Variants in ACVR1B observed in about 807,000 individuals in gnomAD.
The protein encoded by ACVR1B is activin receptor type-1B.
ACVR1B carries 15 observed loss-of-function variants against 55.6 expected under a neutral mutation model. The observed-to-expected ratio is 0.27, with a 90% CI of 0.18 to 0.42. The LOEUF (loss-of-function observed/expected upper bound fraction) is 0.42. Ranked by LOEUF, ACVR1B falls within the 10% of genes least tolerant of loss-of-function variation. The pLI is 1.00. For synonymous variants in ACVR1B, 247 were observed against 254.6 expected (o/e 0.97, Z 0.28); for missense variants, 359 against 670.1 (o/e 0.54, Z 5.13).
chr12:51,962,736 G>A (rs1941559401), intron 1 of ACVR1B, among the ~76,000 whole-genome samples: 1 of 152,112 alleles, frequency 6.6e-6, no homozygotes, highest in African/African-American at 2.4e-5. Flanking sequence ...TAGATCAGTA[G>A]CTATTAACAA....
At chr12:51,964,573 G>A (rs971877935) in intron 1 of ACVR1B, among the ~76,000 whole-genome samples, 4 of 152,162 alleles carry the variant, frequency 2.6e-5, no homozygotes, top group Admixed American at 1.3e-4. Context: ...CCTCTTCTGA[G>A]AGTTTTAGAA....
chr12:51,972,197 A>G (rs1941757657), intron 1 of ACVR1B, among the ~76,000 whole-genome samples: 1 of 152,302 alleles, frequency 6.6e-6, no homozygotes, highest in Admixed American at 6.5e-5. Context: ...CCTTGAGCCC[A>G]GGAATTCGAG....
At chr12:51,990,146 T>G (rs944068187) in intron 7 of ACVR1B, among the ~76,000 whole-genome samples, 1 of 151,160 alleles carries the variant, frequency 6.6e-6, no homozygotes, top group Non-Finnish European at 1.5e-5. Context: ...ATACAAAAAT[T>G]AGCCGGGCAT....
chr12:51,990,171 G>A (rs1048557358), intron 7 of ACVR1B, among the ~76,000 whole-genome samples: 1 of 151,688 alleles, frequency 6.6e-6, no homozygotes, highest in African/African-American at 2.4e-5. Flanking sequence ...GCAGGCACCT[G>A]TAATCCCAGC....
intron 1 of ACVR1B, among the ~76,000 whole-genome samples, chr12:51,964,165 G>T (rs1448182943): frequency 1.3e-5 from 2 of 151,992 alleles, no homozygotes; most frequent in African/African-American, 2.4e-5. Context: ...TTTAGAGAAG[G>T]GTTCTTGCTC....
At chr12:51,959,094 C>G (rs181420562) in intron 1 of ACVR1B, among the ~76,000 whole-genome samples, 3 of 152,332 alleles carry the variant, frequency 2.0e-5, no homozygotes, top group Admixed American at 2.0e-4. Flanking sequence ...CTACAGTCCA[C>G]CTTCTGCTCC....
chr12:51,982,595 T>C, intron 4 of ACVR1B: 1 of 1,356,146 alleles, frequency 7.4e-7, no homozygotes, highest in Non-Finnish European at 9.6e-7. Flanking sequence ...AGTTGTGACA[T>C]GACTTGCTCC....
At chr12:51,977,552 A>G in intron 3 of ACVR1B, among the ~76,000 whole-genome samples, 1 of 151,852 alleles carries the variant, frequency 6.6e-6, no homozygotes, top group East Asian at 1.9e-4. Flanking sequence ...CTGCCTCGTA[A>G]AGAATTTTTT....
At chr12:51,957,685 C>T (rs1941441257) in intron 1 of ACVR1B, among the ~76,000 whole-genome samples, 1 of 152,058 alleles carries the variant, frequency 6.6e-6, no homozygotes, top group Non-Finnish European at 1.5e-5. Context: ...GATTACAGGC[C>T]TGAGCTACCA....
rs1486419907 is a variant in ACVR1B, at chr12:51,976,475, G to C, written c.480G>C (p.Gln160His). 9 of 1,614,002 alleles carry C rather than the reference G, an allele frequency of 5.6e-6. No homozygotes were observed. The highest frequency in any genetic ancestry group is 4.5e-5 in the East Asian group (2 of 44,892). Reference protein sequence around the residue: ...NYHQRVYHNRQRLDMEDPSCE... With the variant: ...NYHQRVYHNRHRLDMEDPSCE... Reference sequence around the variant, plus strand: ...ATCAGCGTGTCTATCACAACCGCCAGAGACTGGACATGGAAGATCCCTCAT... The same window carrying C: ...ATCAGCGTGTCTATCACAACCGCCACAGACTGGACATGGAAGATCCCTCAT... The change falls in exon 3 of 9, where the codon CAG (glutamine) becomes CAC (histidine). Residue 160 changes from glutamine (Q) to histidine (H), a missense_variant. Physicochemically the swap from Gln to His is conservative, Grantham distance 24 (BLOSUM62 0). Around this residue, in one of 5 missense-constraint regions of ACVR1B, gnomAD observed 133 missense variants for 188.2 expected, o/e 0.71. Coordinates refer to ENST00000257963, the MANE Select transcript of ACVR1B (RefSeq NM_004302.5).
chr12:51,970,198 T>C (rs187474553), intron 1 of ACVR1B, among the ~76,000 whole-genome samples: 281 of 152,264 alleles, frequency 1.8e-3, no homozygotes, highest in Non-Finnish European at 3.2e-3. Flanking sequence ...GTGTTCCTAG[T>C]GTGGCCGTGG....
chr12:51,956,693 G>A (rs1186547470), intron 1 of ACVR1B, among the ~76,000 whole-genome samples: 1 of 152,170 alleles, frequency 6.6e-6, no homozygotes, highest in East Asian at 1.9e-4. Flanking sequence ...GGAAATACAG[G>A]GCTAGGTTCC....
chr12:51,976,223 C>T (rs1397207861), intron 2 of ACVR1B, 104 bp from the exon 3 acceptor site: 1 of 1,375,508 alleles, frequency 7.3e-7, no homozygotes, highest in South Asian at 1.3e-5. Flanking sequence ...AACACATCGA[C>T]AGGGAAAGGG....
At chr12:51,972,163 T>A (rs1322034729) in intron 1 of ACVR1B, among the ~76,000 whole-genome samples, 1 of 152,220 alleles carries the variant, frequency 6.6e-6, no homozygotes. Flanking sequence ...TTCCAGCTAC[T>A]CAGGAAGCTG....
chr12:51,962,750 T>C (rs1941559763), intron 1 of ACVR1B, among the ~76,000 whole-genome samples: 1 of 152,244 alleles, frequency 6.6e-6, no homozygotes, highest in African/African-American at 2.4e-5. Flanking sequence ...TTAACAATTG[T>C]CTTTCTTTTT....
chr12:51,953,297 C>G (rs1941346513), intron 1 of ACVR1B: 2 of 978,122 alleles, frequency 2.0e-6, no homozygotes, highest in Middle Eastern at 5.3e-4. Flanking sequence ...ACTTTGGAAT[C>G]TCAAAAACAA....
At chr12:51,992,101 A>C (rs1033704510) in intron 8 of ACVR1B, 108 bp downstream of exon 8, 3 of 1,426,484 alleles carry the variant, frequency 2.1e-6, no homozygotes, top group Non-Finnish European at 2.9e-6. Flanking sequence ...TGAGAGTGTC[A>C]GTTATTATTT....
chr12:51,951,734 GGTGGT>G lies in ACVR1B; in HGVS notation c.-9_-5del. The G allele has an allele frequency of 8.1e-7, 1 of 1,239,900 alleles. No homozygotes were observed. The highest frequency in any genetic ancestry group is 1.0e-6 in the Non-Finnish European group (1 of 981,522). The allele number at this position is 1,239,900 out of a possible 1,614,324, so 76.8% of individuals were successfully genotyped here. Reference sequence around the variant, plus strand: ...GGGCTGCGGCGGCGGCGGCGGCGGCGGTGGTTACTATGGCGGAGTCGGCCGGAGCC... The same window carrying G: ...GGGCTGCGGCGGCGGCGGCGGCGGCGTACTATGGCGGAGTCGGCCGGAGCC... On this transcript the variant is annotated 5_prime_UTR_variant, in exon 1 of 9. Transcript: ENST00000257963.
At position 51,975,373 on chromosome 12, in the gene ACVR1B, G is replaced by T; in HGVS notation, c.200G>T (p.Arg67Leu). The T allele has an allele frequency of 6.2e-7, 1 of 1,614,164 alleles. No homozygotes were observed. The highest frequency in any genetic ancestry group is 8.5e-7 in the Non-Finnish European group (1 of 1,180,028). ...FNLDGMEHHV[R>L]TCIPKVELVP... ...CTGGATGGGATGGAGCACCATGTGCGCACCTGCATCCCCAAAGTGGAGCTG... is the reference window on the plus strand; with the variant it reads ...CTGGATGGGATGGAGCACCATGTGCTCACCTGCATCCCCAAAGTGGAGCTG... Residue 67 changes from arginine to leucine, a missense_variant, in exon 2 of 9, where the codon CGC (arginine) becomes CTC (leucine). Physicochemically the swap from Arg to Leu is moderately radical, Grantham distance 102. Coordinates refer to ENST00000257963, the MANE Select transcript of ACVR1B (RefSeq NM_004302.5).
Sources: gnomAD v4.1 joint callset for allele counts (sites outside exome capture counted in the v4.1 genomes callset) on GRCh38, gnomAD v4.1.1 for gene constraint, gnomAD v4.1.1 regional missense constraint, MANE v1.5 for transcripts, NCBI Gene and HGNC (gene_info 2026-07-23, HGNC 2026-07-21) for gene names.